ZMAT4: variants seen among roughly 807,000 people sequenced by gnomAD.
The protein encoded by ZMAT4 is zinc finger matrin-type protein 4.
A neutral mutation model predicts 28.7 loss-of-function variants in ZMAT4; 17 were observed. That is an observed-to-expected ratio of 0.59 (90% CI 0.41 to 0.89). ZMAT4 has a LOEUF of 0.89. Ranked by LOEUF, ZMAT4 falls within the 40% of genes least tolerant of loss-of-function variation. The pLI is 0.00. For missense variants in ZMAT4, 240 were observed against 283.8 expected (o/e 0.85, Z 1.11); for synonymous variants, 117 against 109.2 (o/e 1.07, Z -0.44).
intron 6 of ZMAT4, among the ~76,000 whole-genome samples, chr8:40,559,861 G>C (rs377550593): frequency 1.3e-5 from 2 of 151,980 alleles, no homozygotes; most frequent in Non-Finnish European, 2.9e-5. Flanking sequence ...AATTAGATTA[G>C]AGCTTTTCCT....
chr8:40,705,109 T>A (rs1810297413), intron 3 of ZMAT4, among the ~76,000 whole-genome samples: 1 of 152,226 alleles, frequency 6.6e-6, no homozygotes, highest in Admixed American at 6.5e-5. Flanking sequence ...AAAGACAGAA[T>A]GAAGATTTCT....
intron 5 of ZMAT4, among the ~76,000 whole-genome samples, chr8:40,622,048 G>GTAAT (rs1806220627): frequency 6.6e-6 from 1 of 152,108 alleles, no homozygotes; most frequent in Non-Finnish European, 1.5e-5. Context: ...ATGCTTAATA[G>GTAAT]TAATAGTCAA....
intron 5 of ZMAT4, among the ~76,000 whole-genome samples, chr8:40,603,093 A>T (rs761987946): frequency 5.9e-5 from 9 of 152,114 alleles, no homozygotes; most frequent in Non-Finnish European, 1.3e-4. Flanking sequence ...TGTACTACTC[A>T]AGTACAAAAT....
intron 5 of ZMAT4, among the ~76,000 whole-genome samples, chr8:40,613,184 T>C (rs28485826): frequency 8.0e-4 from 11 of 13,816 alleles, no homozygotes; most frequent in East Asian, 0.071. Context: ...TTCTTTCTTT[T>C]TTTTTTTTTT....
chr8:40,634,240 G>A lies in ZMAT4; in HGVS notation c.577+40464C>T, dbSNP rs561023894. Among the ~76,000 whole-genome samples the A allele has an allele frequency of 2.0e-5, 3 of 152,274 alleles. No homozygotes were observed. The South Asian group carries it at 6.2e-4, about 32-fold the overall frequency. On this transcript the variant is annotated intron_variant, in intron 5 of 6. Transcript: ENST00000297737. ...AGATTGTTTAAACATCAGACACAAC[G>A]GAGCTTTAAACAGCACTGGACTGAA...
chr8:40,751,840 T>C (rs1812465484), intron 3 of ZMAT4, among the ~76,000 whole-genome samples: 1 of 152,160 alleles, frequency 6.6e-6, no homozygotes, highest in Non-Finnish European at 1.5e-5. Flanking sequence ...AAAATTATAA[T>C]TGTTTCAAAG....
At chr8:40,623,969 A>AGGAG (rs1806287420) in intron 5 of ZMAT4, among the ~76,000 whole-genome samples, 1 of 152,182 alleles carries the variant, frequency 6.6e-6, no homozygotes, top group Admixed American at 6.5e-5. Context: ...TCACTGGTCT[A>AGGAG]TACCTGTGGA....
chr8:40,829,471 G>C (rs1816197427), intron 1 of ZMAT4, among the ~76,000 whole-genome samples: 1 of 152,186 alleles, frequency 6.6e-6, no homozygotes, highest in South Asian at 2.1e-4. Flanking sequence ...CATGTGTATA[G>C]CAGTGATGGT....
intron 5 of ZMAT4, among the ~76,000 whole-genome samples, chr8:40,648,556 T>C (rs978758873): frequency 2.2e-5 from 3 of 137,184 alleles, no homozygotes; most frequent in African/African-American, 8.1e-5. Context: ...AACGTTCAGA[T>C]TCAGGAAATA....
chr8:40,602,384 T>C (rs1020799429), intron 5 of ZMAT4, among the ~76,000 whole-genome samples: 2 of 152,326 alleles, frequency 1.3e-5, no homozygotes, highest in Non-Finnish European at 2.9e-5. Flanking sequence ...GATTCCCAAG[T>C]AGTGGGAATG....
intron 1 of ZMAT4, among the ~76,000 whole-genome samples, chr8:40,866,818 CAT>C (rs1356760917): frequency 6.6e-6 from 1 of 152,210 alleles, no homozygotes. Context: ...CATACACACA[CAT>C]GCATATGCAT....
chr8:40,614,449 T>A (rs966494413), intron 5 of ZMAT4, among the ~76,000 whole-genome samples: 1 of 152,218 alleles, frequency 6.6e-6, no homozygotes, highest in Non-Finnish European at 1.5e-5. Context: ...GTCTGCTTGG[T>A]GCAGAGCTGA....
chr8:40,681,634 A>G (rs1302599978), intron 4 of ZMAT4, among the ~76,000 whole-genome samples: 1 of 152,226 alleles, frequency 6.6e-6, no homozygotes, highest in East Asian at 1.9e-4. Flanking sequence ...TGGCAGAGGC[A>G]TGGGCCTTTT....
intron 5 of ZMAT4, among the ~76,000 whole-genome samples, chr8:40,599,807 G>A (rs1281171176): frequency 6.6e-6 from 1 of 152,214 alleles, no homozygotes. Flanking sequence ...AGTGGTGGGA[G>A]GCATAGGGGG....
intron 5 of ZMAT4, among the ~76,000 whole-genome samples, chr8:40,623,164 T>C (rs566073875): frequency 3.3e-5 from 5 of 152,054 alleles, no homozygotes; most frequent in African/African-American, 1.2e-4. Flanking sequence ...GATGGAAAAA[T>C]GGCAGCGTGG....
intron 1 of ZMAT4, among the ~76,000 whole-genome samples, chr8:40,880,548 A>G (rs1015941486): frequency 1.3e-5 from 2 of 152,044 alleles, no homozygotes; most frequent in African/African-American, 4.8e-5. Context: ...TATTATTGTT[A>G]TTGTTGGAAT....
At chr8:40,755,613 C>T (rs35009768) in intron 3 of ZMAT4, among the ~76,000 whole-genome samples, 13 of 152,034 alleles carry the variant, frequency 8.6e-5, no homozygotes, top group East Asian at 3.9e-4. Flanking sequence ...CCACCATGCC[C>T]GGCTAATTTT....
intron 1 of ZMAT4, among the ~76,000 whole-genome samples, chr8:40,886,596 T>C (rs1015184967): frequency 6.6e-6 from 1 of 152,214 alleles, no homozygotes; most frequent in Non-Finnish European, 1.5e-5. Flanking sequence ...TATTTCTTTC[T>C]TTCTGGTTTG....
rs139973028 is a variant in ZMAT4 at position 40,551,387 on chromosome 8, ATCACGTTGT to A, written c.675-19158_675-19150del. On this transcript the variant is annotated intron_variant, in intron 6 of 6. Coordinates refer to ENST00000297737, the MANE Select transcript of ZMAT4 (RefSeq NM_024645.3). ...AATCAGTAAGGATCATGAGAAAGAT[ATCACGTTGT>A]TCTATTAAACTTTCAATTAAATATA... 6.2e-3 allele frequency among the ~76,000 whole-genome samples: 949 copies of A among 152,324 alleles called. 9 individuals are homozygous for A. The highest frequency in any genetic ancestry group is 0.022 in the African/African-American group (895 of 41,592).
Sources: gnomAD v4.1 joint callset for allele counts (sites outside exome capture counted in the v4.1 genomes callset) on GRCh38, gnomAD v4.1.1 for gene constraint, MANE v1.5 for transcripts, NCBI Gene and HGNC (gene_info 2026-07-23, HGNC 2026-07-21) for gene names.